MAP2K4: variants seen among roughly 807,000 people sequenced by gnomAD.
MAP2K4 encodes mitogen-activated protein kinase kinase 4, also known as dual specificity mitogen-activated protein kinase kinase 4.
In MAP2K4, 4 loss-of-function variants were observed where a neutral mutation model predicts 48.5. That is an observed-to-expected ratio of 0.08 (90% CI 0.04 to 0.19). The LOEUF (loss-of-function observed/expected upper bound fraction) is 0.19, where lower values mean the gene tolerates loss of function less well. Among genes scored for constraint, MAP2K4 ranks in the 10% least tolerant of loss-of-function variants. The pLI is 1.00. For missense variants in MAP2K4, 258 were observed against 493.3 expected, an observed-to-expected ratio of 0.52 and a Z score of 4.52; for synonymous variants, 166 against 173.1, an observed-to-expected ratio of 0.96 and a Z score of 0.32.
At chr17:12,057,647 A>G (rs1236494209) in intron 2 of MAP2K4, among the ~76,000 whole-genome samples, 4 of 151,940 alleles carry the variant, frequency 2.6e-5, no homozygotes, top group Non-Finnish European at 5.9e-5. Flanking sequence ...TCTTCTCCTG[A>G]AACTTGTGTT....
chr17:12,102,353 A>G (rs1971962737), intron 4 of MAP2K4, among the ~76,000 whole-genome samples: 1 of 152,110 alleles, frequency 6.6e-6, no homozygotes, highest in South Asian at 2.1e-4. Context: ...TATTTCTGGG[A>G]GAAATCCAGT....
intron 2 of MAP2K4, among the ~76,000 whole-genome samples, chr17:12,065,258 ATATTATTATTAT>A (rs147921985): frequency 1.5e-5 from 2 of 136,222 alleles, no homozygotes; most frequent in African/African-American, 2.7e-5. Context: ...ATATATACAT[ATATTATTATTAT>A]TATTATTATT....
intron 1 of MAP2K4, chr17:12,036,410 A>G (rs1186200127): frequency 6.6e-6 from 1 of 152,222 alleles, no homozygotes; most frequent in Non-Finnish European, 1.5e-5. Flanking sequence ...GACTTTAATG[A>G]GCTAACCTGT....
At chr17:12,115,533 C>T (rs531122637) in intron 7 of MAP2K4, 76 of 507,774 alleles carry the variant, frequency 1.5e-4, no homozygotes, top group African/African-American at 1.4e-3. Flanking sequence ...GTAGAGGTGA[C>T]GGGCCGGAGA....
At chr17:12,125,195 A>C (rs571220920) in intron 7 of MAP2K4, 99 bp from the exon 8 acceptor site, 1 of 804,714 alleles carries the variant, frequency 1.2e-6, no homozygotes, top group East Asian at 2.4e-5. Flanking sequence ...TCCTCTAGGA[A>C]TATACTGGCA....
At chr17:12,063,125 A>G (rs192383102) in intron 2 of MAP2K4, among the ~76,000 whole-genome samples, 2 of 152,154 alleles carry the variant, frequency 1.3e-5, no homozygotes, top group Non-Finnish European at 2.9e-5. Context: ...TGACATTTTG[A>G]TTCTAAAATA....
At chr17:12,040,553 G>A (rs981531853) in intron 1 of MAP2K4, among the ~76,000 whole-genome samples, 3 of 152,198 alleles carry the variant, frequency 2.0e-5, no homozygotes, top group Non-Finnish European at 2.9e-5. Context: ...CTCTGGTGAA[G>A]TTGAGGAGCC....
chr17:12,121,085 A>C (rs998633430), intron 7 of MAP2K4, among the ~76,000 whole-genome samples: 1 of 152,248 alleles, frequency 6.6e-6, no homozygotes, highest in Non-Finnish European at 1.5e-5. Flanking sequence ...CAGCAACCAC[A>C]GATTGTCTAC....
chr17:12,130,105 A>G (rs1007378338), intron 9 of MAP2K4, among the ~76,000 whole-genome samples: 2 of 152,162 alleles, frequency 1.3e-5, no homozygotes, highest in African/African-American at 4.8e-5. Flanking sequence ...TTGGTTTCTC[A>G]TAATTTTTTC....
chr17:12,139,724 C>T (rs1973316578), intron 9 of MAP2K4, 115 bp from the exon 10 acceptor site: 3 of 694,790 alleles, frequency 4.3e-6, no homozygotes, highest in South Asian at 2.4e-5. Flanking sequence ...TGCGTTGTTA[C>T]TTTGGATCTG....
chr17:12,125,433 A>G (rs1972824470), intron 8 of MAP2K4, 62 bp downstream of exon 8: 2 of 1,374,308 alleles, frequency 1.5e-6, no homozygotes, highest in Non-Finnish European at 2.1e-6. Context: ...TAGAAGTGAA[A>G]GAAAACTTAA....
chr17:12,092,123 C>T (rs971192751), intron 3 of MAP2K4, among the ~76,000 whole-genome samples: 24 of 151,994 alleles, frequency 1.6e-4, no homozygotes, highest in African/African-American at 5.8e-4. Context: ...TTATGGTTTC[C>T]TGTAGTTTTC....
intron 2 of MAP2K4, among the ~76,000 whole-genome samples, chr17:12,057,046 C>T (rs941203171): frequency 2.6e-5 from 4 of 152,032 alleles, no homozygotes; most frequent in African/African-American, 9.7e-5. Context: ...GGTTTCAGAT[C>T]TCCTTGGCAT....
chr17:12,117,326 G>T lies in MAP2K4; in HGVS notation c.813+3966G>T, dbSNP rs1972534743. On this transcript the variant is annotated intron_variant, in intron 7 of 10. Transcript: ENST00000353533. ...CGTTACCAACACTAGTGTGACCCAAGTGGAAAATTCACCTGACCTTATGCG... is the reference window on the plus strand; with the variant it reads ...CGTTACCAACACTAGTGTGACCCAATTGGAAAATTCACCTGACCTTATGCG... Among the ~76,000 whole-genome samples, 4 of 152,178 alleles carry T rather than the reference G, an allele frequency of 2.6e-5. No homozygotes were observed. The South Asian group carries it at 8.3e-4, about 32-fold the overall frequency.
chr17:12,037,004 G>A lies in MAP2K4; in HGVS notation c.115+16003G>A, dbSNP rs368418304. Reference sequence around the variant, plus strand: ...AAGTTTCTGTAGCTTTGTCTTTTACGTTTTTGGTGGCGTTAAAAACTTTGT... The same window carrying A: ...AAGTTTCTGTAGCTTTGTCTTTTACATTTTTGGTGGCGTTAAAAACTTTGT... On this transcript the variant is annotated intron_variant, in intron 1 of 10. Coordinates refer to ENST00000353533, the MANE Select transcript of MAP2K4 (RefSeq NM_003010.4). 5.3e-5 allele frequency among the ~76,000 whole-genome samples: 8 copies of A among 151,832 alleles called. No homozygotes were observed. The East Asian group carries it at 5.8e-4, about 11-fold the overall frequency.
intron 1 of MAP2K4, among the ~76,000 whole-genome samples, chr17:12,043,446 A>G (rs1044284709): frequency 6.6e-6 from 1 of 152,112 alleles, no homozygotes; most frequent in African/African-American, 2.4e-5. Flanking sequence ...CACAAGTTGA[A>G]GGGCTCAGTG....
chr17:12,081,254 A>G lies in MAP2K4; in HGVS notation c.219-102A>G. On this transcript the variant is annotated intron_variant, in intron 2 of 10. Coordinates refer to ENST00000353533, the MANE Select transcript of MAP2K4 (RefSeq NM_003010.4). The surrounding 1 kb of genome is among the most constrained non-coding windows in gnomAD (Gnocchi z 4.2). ...AAAAACCTGGAGGTCAGACTATTTT[A>G]GTAATTTAGAAAACATTTTTCCCAC... 1.2e-6 allele frequency: 1 copy of G among 860,548 alleles called. No homozygotes were observed. Among genetic ancestry groups the G allele is most frequent in the Middle Eastern group, 3.7e-4 (1 of 2,696 alleles). The allele number at this position is 860,548 out of a possible 1,614,324, so 53.3% of individuals were successfully genotyped here.
chr17:12,038,297 G>T (rs549771915), intron 1 of MAP2K4, among the ~76,000 whole-genome samples: 1 of 152,048 alleles, frequency 6.6e-6, no homozygotes, highest in Non-Finnish European at 1.5e-5. Flanking sequence ...TATGAGATCC[G>T]AATCTAGGCA....
chr17:12,134,063 T>C lies in MAP2K4; in HGVS notation c.1040+4776T>C, dbSNP rs28921091. On this transcript the variant is annotated intron_variant, in intron 9 of 10. Transcript: ENST00000353533. ...GGTTAGAGGGCGGGAGCACAGTGCA[T>C]GCTGTTAGAGCAAATGCAAAAATTA... 6.2e-3 allele frequency among the ~76,000 whole-genome samples: 948 copies of C among 152,344 alleles called. 2 individuals carry two copies. The highest frequency in any genetic ancestry group is 0.036 in the East Asian group (187 of 5,176).
Sources: gnomAD v4.1 joint callset for allele counts (sites outside exome capture counted in the v4.1 genomes callset) on GRCh38, gnomAD v4.1.1 for gene constraint, Gnocchi (gnomAD v3.1) non-coding constraint, MANE v1.5 for transcripts, NCBI Gene and HGNC (gene_info 2026-07-23, HGNC 2026-07-21) for gene names.